PDE1C: variants seen among roughly 807,000 people sequenced by gnomAD.
The protein encoded by PDE1C is dual specificity calcium/calmodulin-dependent 3',5'-cyclic nucleotide phosphodiesterase 1C.
A neutral mutation model predicts 93.1 loss-of-function variants in PDE1C; 62 were observed. The ratio of observed to expected loss-of-function variants is 0.67; its 90% CI spans 0.54 to 0.82. The LOEUF (loss-of-function observed/expected upper bound fraction) is 0.82. Among genes scored for constraint, PDE1C ranks in the 40% least tolerant of loss-of-function variants. The probability of loss-of-function intolerance (pLI) is 0.00; values close to 1 mark genes in which losing one functional copy is unlikely to be tolerated. For missense variants in PDE1C, 742 were observed against 884.6 expected, an observed-to-expected ratio of 0.84 and a Z score of 2.04; for synonymous variants, 325 against 310.1, an observed-to-expected ratio of 1.05 and a Z score of -0.50.
At chr7:32,231,030 A>G (rs1339294671) in intron 1 of PDE1C, among the ~76,000 whole-genome samples, 1 of 152,186 alleles carries the variant, frequency 6.6e-6, no homozygotes, top group Non-Finnish European at 1.5e-5. Flanking sequence ...TAAATGAGAA[A>G]CACCCTGAAA....
intron 1 of PDE1C, among the ~76,000 whole-genome samples, chr7:32,317,406 G>C (rs17161177): frequency 6.6e-6 from 1 of 151,890 alleles, no homozygotes; most frequent in Non-Finnish European, 1.5e-5. Flanking sequence ...ATGGAGACCC[G>C]TCCTCTCAAA....
At chr7:32,245,698 C>T (rs1808877327) in intron 1 of PDE1C, among the ~76,000 whole-genome samples, 1 of 152,174 alleles carries the variant, frequency 6.6e-6, no homozygotes, top group African/African-American at 2.4e-5. Flanking sequence ...ATTTATCTCT[C>T]ATAGTTCTGG....
intron 2 of PDE1C, among the ~76,000 whole-genome samples, chr7:32,028,683 A>G (rs1477839265): frequency 6.6e-6 from 1 of 152,146 alleles, no homozygotes; most frequent in Non-Finnish European, 1.5e-5. Flanking sequence ...CACCTTAAAT[A>G]CTTAATTTTT....
At chr7:32,160,519 A>T (rs1287811790) in intron 3 of PDE1C, among the ~76,000 whole-genome samples, 1 of 152,160 alleles carries the variant, frequency 6.6e-6, no homozygotes, top group African/African-American at 2.4e-5. Context: ...TCTATCCTCC[A>T]ATAAGCCAAG....
chr7:31,647,102 G>A, the PDE1C span, among the ~76,000 whole-genome samples: 1 of 152,238 alleles, frequency 6.6e-6, no homozygotes, highest in African/African-American at 2.4e-5. Context: ...GTGCTGGAAA[G>A]CAAGTGGAAA....
the PDE1C span, among the ~76,000 whole-genome samples, chr7:31,717,455 G>C: frequency 6.6e-6 from 1 of 152,128 alleles, no homozygotes; most frequent in African/African-American, 2.4e-5. Context: ...GTGTGTGAAT[G>C]TTTGCCCTTG....
intron 2 of PDE1C, among the ~76,000 whole-genome samples, chr7:32,046,147 A>G (rs1350159633): frequency 6.6e-6 from 1 of 151,936 alleles, no homozygotes; most frequent in Non-Finnish European, 1.5e-5. Flanking sequence ...TTATCTGCAC[A>G]TGTCTGTATC....
intron 1 of PDE1C, among the ~76,000 whole-genome samples, chr7:32,328,542 C>T (rs1783449141): frequency 6.6e-6 from 1 of 152,134 alleles, no homozygotes; most frequent in African/African-American, 2.4e-5. Flanking sequence ...AGACACACTG[C>T]CTCCTTCCTC....
At chr7:31,686,197 G>A in the PDE1C span, among the ~76,000 whole-genome samples, 1 of 152,114 alleles carries the variant, frequency 6.6e-6, no homozygotes, top group Admixed American at 6.5e-5. Flanking sequence ...GCTATCAGGG[G>A]GTCTGGAGCC....
At chr7:31,672,717 A>G in the PDE1C span, among the ~76,000 whole-genome samples, 1 of 152,242 alleles carries the variant, frequency 6.6e-6, no homozygotes, top group African/African-American at 2.4e-5. Context: ...TCCATCAGCC[A>G]TCATCACTCC....
chr7:31,878,117 ACAAATAATAAGAAGTCAAGTGGGGTGATC>A, intron 4 of PDE1C, 81 bp from the exon 5 acceptor site: 2 of 965,778 alleles, frequency 2.1e-6, no homozygotes, highest in Non-Finnish European at 3.2e-6. Flanking sequence ...CCAAGTATTG[ACAAATAATAAGAAGTCAAGTGGGGTGATC>A]CAAAGAACCT....
intron 2 of PDE1C, among the ~76,000 whole-genome samples, chr7:31,889,648 G>A (rs1444105962): frequency 6.6e-6 from 1 of 152,166 alleles, no homozygotes; most frequent in Non-Finnish European, 1.5e-5. Context: ...GGGGATATAT[G>A]TTTGTGGGTG....
rs550219067 is a variant in PDE1C, at chr7:31,964,521, C to T, written c.129-83661G>A. Among the ~76,000 whole-genome samples the T allele has an allele frequency of 5.9e-5, 9 of 152,342 alleles. No individual in the cohort carries two copies. The South Asian group carries it at 1.9e-3, about 32-fold the overall frequency. ...GGCCTGCCTGCCTCTGTAGGCTCCACCTTTGAGGGCAGGGCACAGACAAAC... is the reference window on the plus strand; with the variant it reads ...GGCCTGCCTGCCTCTGTAGGCTCCATCTTTGAGGGCAGGGCACAGACAAAC... On this transcript the variant is annotated intron_variant, in intron 2 of 17. Coordinates refer to ENST00000396191, the MANE Select transcript of PDE1C (RefSeq NM_001191057.4).
At chr7:32,039,183 G>A (rs1791497927) in intron 2 of PDE1C, among the ~76,000 whole-genome samples, 1 of 152,066 alleles carries the variant, frequency 6.6e-6, no homozygotes, top group African/African-American at 2.4e-5. Context: ...ATTACCTTAA[G>A]GGTTAACCTA....
At chr7:31,774,328 A>G (rs1795693383) in intron 17 of PDE1C, among the ~76,000 whole-genome samples, 1 of 152,242 alleles carries the variant, frequency 6.6e-6, no homozygotes, top group African/African-American at 2.4e-5. Flanking sequence ...GATACATTCA[A>G]ACCAAATGTA....
intron 1 of PDE1C, among the ~76,000 whole-genome samples, chr7:32,410,324 C>T (rs533757987): frequency 3.6e-5 from 5 of 139,348 alleles, no homozygotes; most frequent in African/African-American, 1.2e-4. Flanking sequence ...GAGTGAGACC[C>T]GCATCTCTGA....
chr7:31,643,272 C>G, the PDE1C span: 3 of 1,613,750 alleles, frequency 1.9e-6, no homozygotes, highest in East Asian at 4.5e-5. Flanking sequence ...ACAGCTTACT[C>G]GTACCAGAAA....
chr7:32,064,793 A>G (rs1046776746), intron 1 of PDE1C, among the ~76,000 whole-genome samples: 3 of 152,188 alleles, frequency 2.0e-5, no homozygotes, highest in African/African-American at 7.2e-5. Flanking sequence ...AACTATGAGC[A>G]TACATAATTT....
intron 1 of PDE1C, among the ~76,000 whole-genome samples, chr7:32,341,173 C>CTATTTTTTATTTTTTAT (rs796122014): frequency 1.2e-5 from 1 of 84,952 alleles, no homozygotes; most frequent in African/African-American, 4.3e-5. Context: ...GAAATAAAGT[C>CTATTTTTTATTTTTTAT]TTTTTTTTTT....
Sources: gnomAD v4.1 joint callset for allele counts (sites outside exome capture counted in the v4.1 genomes callset) on GRCh38, gnomAD v4.1.1 for gene constraint, MANE v1.5 for transcripts, NCBI Gene and HGNC (gene_info 2026-07-23, HGNC 2026-07-21) for gene names.